Variants in CCSER1 observed in about 807,000 individuals in gnomAD.
CCSER1 encodes the protein serine-rich coiled-coil domain-containing protein 1.
A neutral mutation model predicts 82.0 loss-of-function variants in CCSER1; 41 were observed. The observed-to-expected ratio is 0.50, with a 90% CI of 0.39 to 0.65. CCSER1 has a LOEUF of 0.65. CCSER1 is among the 30% of genes least tolerant of loss of function. CCSER1 has a pLI of 0.00. For missense variants in CCSER1, 1,119 were observed against 1,064.2 expected (o/e 1.05, Z -0.72); for synonymous variants, 414 against 383.9 (o/e 1.08, Z -0.92).
At position 90,554,412 on chromosome 4, in the gene CCSER1, TA is replaced by T. The variant is rs201486303; in HGVS notation, c.1725-73612del. On this transcript the variant is annotated intron_variant, in intron 5 of 10. Transcript: ENST00000509176. ...GAAGAAATGTTCAAATAAATGATGT[TA>T]CACCCAAAATATGTGATAATATGTG... 5.0e-3 allele frequency among the ~76,000 whole-genome samples: 761 copies of T among 152,306 alleles called. 22 individuals are homozygous for T. The highest frequency in any genetic ancestry group is 0.045 in the Admixed American group (687 of 15,294).
At chr4:91,299,757 A>G (rs1236981127) in intron 10 of CCSER1, among the ~76,000 whole-genome samples, 2 of 151,806 alleles carry the variant, frequency 1.3e-5, no homozygotes, top group African/African-American at 4.8e-5. Context: ...AAAAAATTTT[A>G]GCAGGGACTT....
At chr4:90,591,648 C>A (rs1782710319) in intron 5 of CCSER1, among the ~76,000 whole-genome samples, 1 of 152,062 alleles carries the variant, frequency 6.6e-6, no homozygotes, top group African/African-American at 2.4e-5. Context: ...GATCTAGAAT[C>A]AGAAATACCA....
In CCSER1 at chr4:91,042,366, C is replaced by T. The variant is rs139605591; in HGVS notation, c.2173-43584C>T. ...GTTTCCTGAGGCCTCCCCAGCCATT[C>T]GGAGTTGAACTGTGAGTCAATTAAA... On this transcript the variant is annotated intron_variant, in intron 9 of 10. Coordinates refer to ENST00000509176, the MANE Select transcript of CCSER1 (RefSeq NM_001145065.2). 7.9e-5 allele frequency among the ~76,000 whole-genome samples: 12 copies of T among 152,216 alleles called. No homozygotes were observed. In the East Asian group the frequency reaches 1.5e-3, roughly 20 times the overall value.
intron 1 of CCSER1, among the ~76,000 whole-genome samples, chr4:90,270,726 T>A (rs1208315420): frequency 6.6e-6 from 1 of 152,112 alleles, no homozygotes; most frequent in Non-Finnish European, 1.5e-5. Flanking sequence ...GATGATATGA[T>A]CTTATATTTG....
At chr4:90,401,795 C>T (rs953342150) in intron 4 of CCSER1, among the ~76,000 whole-genome samples, 1 of 152,172 alleles carries the variant, frequency 6.6e-6, no homozygotes, top group Non-Finnish European at 1.5e-5. Context: ...TCCCAAAGTG[C>T]AGGGATTACA....
At chr4:90,931,055 A>G (rs1444685274) in intron 9 of CCSER1, among the ~76,000 whole-genome samples, 1 of 148,968 alleles carries the variant, frequency 6.7e-6, no homozygotes, top group Non-Finnish European at 1.5e-5. Flanking sequence ...TGAAATATAT[A>G]TATTCTTGGA....
intron 1 of CCSER1, among the ~76,000 whole-genome samples, chr4:90,296,892 G>A (rs1352870328): frequency 6.6e-6 from 1 of 152,144 alleles, no homozygotes; most frequent in Non-Finnish European, 1.5e-5. Flanking sequence ...TTTGGTTACT[G>A]TAGCCTTGTA....
rs936516275 is a variant in CCSER1, at chr4:90,842,493, T to C, written c.2094+26648T>C. Among the ~76,000 whole-genome samples the C allele has an allele frequency of 1.1e-4, 16 of 152,250 alleles. No homozygotes were observed. In the South Asian group the frequency reaches 3.3e-3, roughly 32 times the overall value. On this transcript the variant is annotated intron_variant, in intron 8 of 10. Coordinates refer to ENST00000509176, the MANE Select transcript of CCSER1 (RefSeq NM_001145065.2). Reference sequence around the variant, plus strand: ...GCAACATCTGGATTATACAGGAAACTGGTCTAATTTAGTCAGCACTGGAGT... The same window carrying C: ...GCAACATCTGGATTATACAGGAAACCGGTCTAATTTAGTCAGCACTGGAGT...
intron 7 of CCSER1, among the ~76,000 whole-genome samples, chr4:90,777,398 G>T (rs1753064020): frequency 6.8e-6 from 1 of 147,482 alleles, no homozygotes; most frequent in Non-Finnish European, 1.5e-5. Context: ...TAACTTATTG[G>T]ACTTTAAGAC....
At chr4:90,701,976 G>T (rs1441204173) in intron 6 of CCSER1, among the ~76,000 whole-genome samples, 1 of 152,054 alleles carries the variant, frequency 6.6e-6, no homozygotes, top group Admixed American at 6.6e-5. Flanking sequence ...TCTTTCTCCT[G>T]CTTGATTGCC....
At chr4:90,660,340 C>T (rs1579780878) in intron 6 of CCSER1, among the ~76,000 whole-genome samples, 1 of 151,948 alleles carries the variant, frequency 6.6e-6, no homozygotes, top group African/African-American at 2.4e-5. Flanking sequence ...TCATGGAATA[C>T]TACATAGCCA....
At chr4:90,584,712 G>A (rs1781797723) in intron 5 of CCSER1, among the ~76,000 whole-genome samples, 1 of 152,104 alleles carries the variant, frequency 6.6e-6, no homozygotes, top group Non-Finnish European at 1.5e-5. Context: ...TTTTAATATA[G>A]AAACTAAATA....
At chr4:91,200,921 G>C (rs368738268) in intron 10 of CCSER1, among the ~76,000 whole-genome samples, 85 of 151,796 alleles carry the variant, frequency 5.6e-4, no homozygotes, top group African/African-American at 2.0e-3. Flanking sequence ...TATTATTGTA[G>C]TCTTTTACAA....
intron 10 of CCSER1, among the ~76,000 whole-genome samples, chr4:91,563,861 A>T (rs1156758764): frequency 6.6e-6 from 1 of 151,850 alleles, no homozygotes; most frequent in East Asian, 1.9e-4. Context: ...TGGATGCAAA[A>T]TAAGCATACA....
intron 4 of CCSER1, among the ~76,000 whole-genome samples, chr4:90,428,760 T>A (rs951528099): frequency 6.6e-6 from 1 of 151,878 alleles, no homozygotes; most frequent in African/African-American, 2.4e-5. Flanking sequence ...CAGAGTGAAC[T>A]GTATTTATTT....
intron 5 of CCSER1, among the ~76,000 whole-genome samples, chr4:90,577,564 C>T (rs534932536): frequency 3.9e-4 from 59 of 152,168 alleles, no homozygotes; most frequent in Non-Finnish European, 6.6e-4. Flanking sequence ...GACCTAACTT[C>T]GCTGATAGTT....
intron 3 of CCSER1, among the ~76,000 whole-genome samples, chr4:90,387,975 C>T (rs1229767657): frequency 1.3e-5 from 2 of 152,132 alleles, no homozygotes; most frequent in East Asian, 3.9e-4. Flanking sequence ...GTGTCAAAAG[C>T]AAGGACAGTT....
chr4:90,762,944 C>A (rs1045318366), intron 7 of CCSER1, among the ~76,000 whole-genome samples: 2 of 151,830 alleles, frequency 1.3e-5, no homozygotes, highest in Admixed American at 6.6e-5. Flanking sequence ...GAAGAGGAGA[C>A]AGTGTGACAA....
intron 1 of CCSER1, among the ~76,000 whole-genome samples, chr4:90,194,836 G>A (rs184068522): frequency 4.6e-4 from 70 of 152,104 alleles, no homozygotes; most frequent in African/African-American, 1.3e-3. Context: ...TAGCATAAGA[G>A]GAAGTAATGA....
Sources: allele counts gnomAD v4.1 joint callset (sites outside exome capture counted in the v4.1 genomes callset), GRCh38; gene constraint gnomAD v4.1.1; transcripts MANE v1.5; gene names NCBI Gene and HGNC (gene_info 2026-07-23, HGNC 2026-07-21).